Variants in FLG observed in about 807,000 individuals in gnomAD.
FLG encodes the protein epidermal filaggrin.
Under a neutral mutation model 3.8 loss-of-function variants are expected in FLG, and 6 were observed. The observed-to-expected ratio is 1.60, with a 90% confidence interval of 0.87 to 3.15. The LOEUF (loss-of-function observed/expected upper bound fraction) is 3.15. Among genes scored for constraint, FLG ranks in the 30% most tolerant of loss-of-function variants. The pLI is 0.00. For synonymous variants in FLG, 2,551 were observed against 1,931.6 expected, an observed-to-expected ratio of 1.32 and a Z score of -8.41; for missense variants, 7,595 against 5,050.9, an observed-to-expected ratio of 1.50 and a Z score of -15.27.
At position 152,313,686 on chromosome 1, in the gene FLG, A is replaced by G; in HGVS notation, c.1200T>C (p.Thr400=). ...QSADSSRHSA[T]GRGQASSAVS... ...CTGCAGATGAAGCTTGCCCGCGCCC[A>G]GTGGCTGAGTGTCTGGAGCTGTCTG... The change falls in exon 3 of 3, where the codon ACT becomes ACC. Residue 400 remains threonine, a synonymous_variant. Coordinates refer to ENST00000368799, the MANE Select transcript of FLG (RefSeq NM_002016.2). 1.9e-6 allele frequency: 3 copies of G among 1,613,906 alleles called. No homozygotes were observed. Among genetic ancestry groups the G allele is most frequent in the South Asian group, 2.2e-5 (2 of 91,046 alleles).
rs1651969846 is a variant in FLG at position 152,306,384 on chromosome 1, G to C, written c.8502C>G (p.Ser2834=). The C allele has an allele frequency of 6.2e-7, 1 of 1,602,960 alleles. No homozygotes were observed. Among genetic ancestry groups the C allele is most frequent in the Non-Finnish European group, 8.5e-7 (1 of 1,179,734 alleles). The change falls in exon 3 of 3, where the codon TCC becomes TCG. Residue 2834 remains serine, a synonymous_variant. Coordinates refer to ENST00000368799, the MANE Select transcript of FLG (RefSeq NM_002016.2). ...TACGTGTTGTTCTGCTTGCACTTCTGGATCCTGACTGCCCACGGGAGGCAT... is the reference window on the plus strand; with the variant it reads ...TACGTGTTGTTCTGCTTGCACTTCTCGATCCTGACTGCCCACGGGAGGCAT... ...RSDASRGQSG[S]RSASRTTRNE...
At position 152,307,849 on chromosome 1, in the gene FLG, A is replaced by T. The variant is rs139965403; in HGVS notation, c.7037T>A (p.Ile2346Asn). ...TGCAGATGAAGCTTGTCCGTGCCCAATGCCTGAGTGTCTGGAGCTGTCTGC... is the reference window on the plus strand; with the variant it reads ...TGCAGATGAAGCTTGTCCGTGCCCATTGCCTGAGTGTCTGGAGCTGTCTGC... Reference protein sequence around the residue: ...QSADSSRHSGIGHGQASSAVR... With the variant: ...QSADSSRHSGNGHGQASSAVR... The change falls in exon 3 of 3, where the codon ATT becomes AAT. Residue 2346 changes from isoleucine (I) to asparagine (N), a missense_variant. Coordinates refer to ENST00000368799, the MANE Select transcript of FLG (RefSeq NM_002016.2). 9.8e-5 allele frequency: 158 copies of T among 1,611,634 alleles called. No homozygotes were observed. The highest frequency in any genetic ancestry group is 1.2e-4 in the Non-Finnish European group (142 of 1,179,566).
At chr1:152,318,642 C>G (rs1652865016) in intron 1 of FLG, among the ~76,000 whole-genome samples, 1 of 151,838 alleles carries the variant, frequency 6.6e-6, no homozygotes, top group Non-Finnish European at 1.5e-5. Context: ...TATCTGATGA[C>G]TTCAAAATTG....
chr1:152,302,992 C>G lies in FLG; in HGVS notation c.11894G>C (p.Arg3965Thr), dbSNP rs1437569573. ...AACTAAACCTGATTGACCTTTTTGC[C>G]TTTCAGTGCCCTCAGATTGATAATG... ...SYHYQSEGTE[R>T]QKGQSGLVWR... Residue 3965 changes from arginine (R) to threonine (T), a missense_variant, in exon 3 of 3, where the codon AGG becomes ACG. Transcript: ENST00000368799. 5 of 1,614,000 alleles carry G rather than the reference C, an allele frequency of 3.1e-6. No homozygotes were observed. The highest frequency in any genetic ancestry group is 3.4e-6 in the Non-Finnish European group (4 of 1,180,020).
chr1:152,314,685 C>A lies in FLG; in HGVS notation c.201G>T (p.Lys67Asn), dbSNP rs749328294. ...GAAGAAACTCAGTGAAGTCAATTTT[C>A]TTGTTGTGGTCTATATCCAAGTGAT... ...FMDHLDIDHN[K>N]KIDFTEFLLM... Residue 67 changes from lysine (K) to asparagine (N), a missense_variant, in exon 3 of 3, where the codon AAG (lysine) becomes AAT (asparagine). Physicochemically the swap from Lys to Asn is moderately conservative, Grantham distance 94. Coordinates refer to ENST00000368799, the MANE Select transcript of FLG (RefSeq NM_002016.2). 1.7e-5 allele frequency: 28 copies of A among 1,613,872 alleles called. No homozygotes were observed. The highest frequency in any genetic ancestry group is 2.3e-5 in the Non-Finnish European group (27 of 1,179,944).
At position 152,307,529 on chromosome 1, in the gene FLG, A is replaced by G; in HGVS notation, c.7357T>C (p.Ser2453Pro). The G allele has an allele frequency of 6.2e-7, 1 of 1,613,474 alleles. No homozygotes were observed. ...HKQARDSSRH[S>P]TSQEGQDTIH... ...GTGTCCTGACCCTCTTGGGACGTTGAGTGCCTGGAGCTGTCTCGTGCCTGC... is the reference window on the plus strand; with the variant it reads ...GTGTCCTGACCCTCTTGGGACGTTGGGTGCCTGGAGCTGTCTCGTGCCTGC... The change falls in exon 3 of 3, where the codon TCA becomes CCA. Residue 2453 changes from serine (S) to proline (P), a missense_variant. By Grantham distance (74) the Ser-to-Pro change is moderately conservative. Coordinates refer to ENST00000368799, the MANE Select transcript of FLG (RefSeq NM_002016.2).
At position 152,309,841 on chromosome 1, in the gene FLG, C is replaced by T. The variant is rs201238283; in HGVS notation, c.5045G>A (p.Gly1682Glu). Reference sequence around the variant, plus strand: ...GTCTGCTGACTGCTGGTGGCGGGATCCATGTCTTTCTCCTGGACTTGACCT... The same window carrying T: ...GTCTGCTGACTGCTGGTGGCGGGATTCATGTCTTTCTCCTGGACTTGACCT... ...QARSSPGERHGSRHQQSADSS... is the reference protein window; with the variant it reads ...QARSSPGERHESRHQQSADSS... The change falls in exon 3 of 3, where the codon GGA (glycine) becomes GAA (glutamate). Residue 1682 changes from glycine (G) to glutamate (E), a missense_variant. By Grantham distance (98) the Gly-to-Glu change is moderately conservative. Transcript: ENST00000368799. 9.4e-5 allele frequency: 152 copies of T among 1,613,976 alleles called. 1 individual carries two copies. Among genetic ancestry groups the T allele is most frequent in the Non-Finnish European group, 1.2e-4 (146 of 1,180,032 alleles).
In FLG at chr1:152,303,315, C is replaced by G; in HGVS notation, c.11571G>C (p.Arg3857Ser). 6.2e-7 allele frequency: 1 copy of G among 1,614,080 alleles called. No homozygotes were observed. The highest frequency in any genetic ancestry group is 8.5e-7 in the Non-Finnish European group (1 of 1,180,012). The part of the protein sequence containing the change: ...QGESAGSRRS[R>S]RQGSSVSQDS... ...CCTGGCTAACACTGGATCCCTGGCG[C>G]CTGCTTCTCCTGGACCCCGCTGATT... is the stretch of plus-strand genomic sequence containing the variant. The change falls in exon 3 of 3, where the codon AGG becomes AGC. Residue 3857 changes from arginine to serine, a missense_variant. Coordinates refer to ENST00000368799, the MANE Select transcript of FLG (RefSeq NM_002016.2).
Position 152,310,557 on chromosome 1 carries a change from G to C in FLG, c.4329C>G (p.Tyr1443Ter). 6.2e-7 allele frequency: 1 copy of C among 1,613,796 alleles called. No homozygotes were observed. Residue 1443 changes from tyrosine (Y) to a stop codon, truncating the protein, a stop_gained, in exon 3 of 3, where the codon TAC (tyrosine) becomes TAG (stop). Transcript: ENST00000368799. LOFTEE classifies it low-confidence loss of function (END_TRUNC). ...CAGACTGTTCATGAGAGCTCACCTG[G>C]TAGAGGAAAGACCTTGAACGTCCAG... is the stretch of plus-strand genomic sequence containing the variant. The part of the protein sequence containing the change: ...ESSGRSRSFL[Y>*]QVSSHEQSES...
In FLG at chr1:152,311,043, G is replaced by A. The variant is rs545397624; in HGVS notation, c.3843C>T (p.Asp1281=). ...SQDSDSERHS[D]DSERLSGSAS... The stretch of plus-strand genomic sequence containing the variant: ...CAGACCCAGACAACCTCTCGGAGTC[G>A]TCTGAGTGTCTCTCACTGTCACTGT... Residue 1281 remains aspartate (D), a synonymous_variant, in exon 3 of 3, where the codon GAC becomes GAT. Coordinates refer to ENST00000368799, the MANE Select transcript of FLG (RefSeq NM_002016.2). 46 of 1,613,756 alleles carry A rather than the reference G, an allele frequency of 2.9e-5. No homozygotes were observed. Among genetic ancestry groups the A allele is most frequent in the Admixed American group, 2.7e-4 (16 of 59,990 alleles).
rs115053459 is a variant in FLG at position 152,302,433 on chromosome 1, C to A, written c.*267G>T. The A allele has an allele frequency of 4.4e-6, 2 of 459,020 alleles. No individual in the cohort carries two copies. Among genetic ancestry groups the A allele is most frequent in the Non-Finnish European group, 7.7e-6 (2 of 259,160 alleles). 28.4% of individuals were successfully genotyped at this position (459,020 alleles called of 1,614,324 possible). ...CAAAAACATAAAACATTACTTGACC[C>A]AGAATCTCCTAAAATACTCCAGCTA... On this transcript the variant is annotated 3_prime_UTR_variant, in exon 3 of 3. Transcript: ENST00000368799.
At position 152,305,626 on chromosome 1, in the gene FLG, T is replaced by A. The variant is rs776172115; in HGVS notation, c.9260A>T (p.Gln3087Leu). The A allele has an allele frequency of 1.3e-6, 2 of 1,489,750 alleles. No homozygotes were observed. Among genetic ancestry groups the A allele is most frequent in the Non-Finnish European group, 1.8e-6 (2 of 1,123,454 alleles). The allele number at this position is 1,489,750 out of a possible 1,614,324, so 92.3% of individuals were successfully genotyped here. A position where few individuals can be genotyped will look rare whatever the true frequency, so the allele number is the denominator to read the frequency against. Residue 3087 changes from glutamine to leucine, a missense_variant, in exon 3 of 3, where the codon CAA (glutamine) becomes CTA (leucine). Transcript: ENST00000368799. The stretch of plus-strand genomic sequence containing the variant: ...TTGTGCCTGCTCATGGCGGGATCCT[T>A]GTCTTCCTCTAGTGCTGGGCCCCGT... ...GWTGPSTRGRQGSRHEQAQDS... is the reference protein window; with the variant it reads ...GWTGPSTRGRLGSRHEQAQDS...
rs771524427 is a variant in FLG at position 152,310,692 on chromosome 1, A to C, written c.4194T>G (p.Ser1398Arg). 3.7e-6 allele frequency: 6 copies of C among 1,613,180 alleles called. No individual in the cohort carries two copies. The Admixed American group carries it at 1.0e-4, about 27-fold the overall frequency. The part of the protein sequence containing the change: ...RGSSGSQVTN[S>R]EGHSEDSDTQ... The stretch of plus-strand genomic sequence containing the variant: ...TGTCTGAGTCTTCTGAATGTCCCTC[A>C]CTGTTAGTGACCTGACTACCACTGG... The change falls in exon 3 of 3, where the codon AGT becomes AGG. Residue 1398 changes from serine (S) to arginine (R), a missense_variant. Coordinates refer to ENST00000368799, the MANE Select transcript of FLG (RefSeq NM_002016.2).
At position 152,307,869 on chromosome 1, in the gene FLG, G is replaced by C. The variant is rs750399374; in HGVS notation, c.7017C>G (p.Asp2339Glu). ...GCCCAATGCCTGAGTGTCTGGAGCTGTCTGCTGACTGCTGGTGGTGGGATC... is the reference window on the plus strand; with the variant it reads ...GCCCAATGCCTGAGTGTCTGGAGCTCTCTGCTGACTGCTGGTGGTGGGATC... ...RHGSHHQQSA[D>E]SSRHSGIGHG... Residue 2339 changes from aspartate (D) to glutamate (E), a missense_variant, in exon 3 of 3, where the codon GAC (aspartate) becomes GAG (glutamate). Transcript: ENST00000368799. 3 of 1,613,174 alleles carry C rather than the reference G, an allele frequency of 1.9e-6. No individual in the cohort carries two copies. The highest frequency in any genetic ancestry group is 1.1e-5 in the South Asian group (1 of 90,956).
intron 2 of FLG, 87 bp downstream of exon 2, chr1:152,315,232 G>C: frequency 7.8e-7 from 1 of 1,277,280 alleles, no homozygotes; most frequent in Non-Finnish European, 1.1e-6. Context: ...AAGAGAAATA[G>C]TTCACAAAGA....
Position 152,304,409 on chromosome 1 carries a change from C to T in FLG, c.10477G>A (p.Glu3493Lys), listed in dbSNP as rs145003673. The T allele has an allele frequency of 1.0e-4, 161 of 1,611,664 alleles. 1 individual carries two copies. Among genetic ancestry groups the T allele is most frequent in the African/African-American group, 7.5e-4 (56 of 74,812 alleles). ...RSASRQTRND[E>K]QSGDGSRHSW... is the part of the protein sequence containing the mutation. ...TGCCTGGAGCCATCTCCTGATTGTT[C>T]GTCATTACGAGTTTGTCTGCTGGCA... The change falls in exon 3 of 3, where the codon GAA becomes AAA. Residue 3493 changes from glutamate (E) to lysine (K), a missense_variant. Transcript: ENST00000368799.
rs537641542 is a variant in FLG, at chr1:152,305,255, G to A, written c.9631C>T (p.Gln3211Ter). Reference protein sequence around the residue: ...QSEGSRRSRRQGSSVSQDSDS... With the variant: ...QSEGSRRSRR ...CTGTCCTGGCTCACACTGGATCCCT[G>A]GCGCCTGCTTCTCCTGGACCCCTCT... Residue 3211 changes from glutamine to a stop codon, truncating the protein, a stop_gained, in exon 3 of 3, where the codon CAG (glutamine) becomes TAG (stop). Transcript: ENST00000368799. LOFTEE classifies it low-confidence loss of function (END_TRUNC). The A allele has an allele frequency of 1.9e-6, 3 of 1,612,512 alleles. No homozygotes were observed. In the South Asian group the frequency reaches 3.3e-5, roughly 18 times the overall value.
In FLG at chr1:152,309,613, C is replaced by A. The variant is rs1435229379; in HGVS notation, c.5273G>T (p.Arg1758Met). Residue 1758 changes from arginine (R) to methionine (M), a missense_variant, in exon 3 of 3, where the codon AGG becomes ATG. Coordinates refer to ENST00000368799, the MANE Select transcript of FLG (RefSeq NM_002016.2). The part of the protein sequence containing the change: ...QESTRGQSGE[R>M]SGRSGSFLYQ... ...GAGGAAAGACCCTGAACGTCCAGAC[C>A]TTTCCCCTGACTGGCCACGTGTGGA... The A allele has an allele frequency of 1.2e-6, 2 of 1,613,980 alleles. No homozygotes were observed. Among genetic ancestry groups the A allele is most frequent in the African/African-American group, 1.3e-5 (1 of 74,988 alleles).
Position 152,314,142 on chromosome 1 carries a change from A to C in FLG, c.744T>G (p.Asp248Glu). 6.2e-7 allele frequency: 1 copy of C among 1,614,166 alleles called. No homozygotes were observed. Among genetic ancestry groups the C allele is most frequent in the Admixed American group, 1.7e-5 (1 of 60,024 alleles). Residue 248 changes from aspartate (D) to glutamate (E), a missense_variant, in exon 3 of 3, where the codon GAT (aspartate) becomes GAG (glutamate). Transcript: ENST00000368799. Reference protein sequence around the residue: ...TIQDEAYDTTDSLLEENKIYE... With the variant: ...TIQDEAYDTTESLLEENKIYE... ...ATATTTTGTTTTCTTCTAATAGACT[A>C]TCAGTGGTGTCATAGGCTTCATCCT... is the stretch of plus-strand genomic sequence containing the variant.
Sources: gnomAD v4.1 joint callset for allele counts (sites outside exome capture counted in the v4.1 genomes callset) on GRCh38, gnomAD v4.1.1 for gene constraint, MANE v1.5 for transcripts, NCBI Gene and HGNC (gene_info 2026-07-23, HGNC 2026-07-21) for gene names.